NRG1: variants seen among roughly 807,000 people sequenced by gnomAD.
NRG1 encodes the protein neuregulin 1, also known as pro-neuregulin-1, membrane-bound isoform.
NRG1 carries 18 observed loss-of-function variants against 63.8 expected under a neutral mutation model. That is an observed-to-expected ratio of 0.28 (90% CI 0.19 to 0.42). NRG1 has a LOEUF of 0.42. Among genes scored for constraint, NRG1 ranks in the 10% least tolerant of loss-of-function variants. NRG1 has a pLI of 1.00. For synonymous variants in NRG1, 302 were observed against 301.3 expected (o/e 1.00, Z -0.02); for missense variants, 762 against 814.7 (o/e 0.94, Z 0.79).
chr8:32,010,974 T>C (rs1814659900), intron 1 of NRG1, among the ~76,000 whole-genome samples: 1 of 152,084 alleles, frequency 6.6e-6, no homozygotes, highest in South Asian at 2.1e-4. Context: ...TTAGATTTTT[T>C]AGGTGTTTGC....
chr8:31,813,510 T>TCTTTC (rs1823092767), intron 1 of NRG1, among the ~76,000 whole-genome samples: 1 of 64,050 alleles, frequency 1.6e-5, no homozygotes, highest in Admixed American at 1.7e-4. Context: ...TCTTTTCTTT[T>TCTTTC]CTTTTCTTTT....
At chr8:31,779,460 A>G (rs369062169) in intron 1 of NRG1, among the ~76,000 whole-genome samples, 15 of 84,980 alleles carry the variant, frequency 1.8e-4, no homozygotes, top group South Asian at 5.7e-4. Flanking sequence ...CCCAGAAGGG[A>G]AAAAAAAAAA....
chr8:32,741,962 G>A, intron 6 of NRG1, 46 bp from the exon 7 acceptor site: 1 of 1,488,544 alleles, frequency 6.7e-7, no homozygotes, highest in Non-Finnish European at 9.4e-7. Flanking sequence ...TGAAAGCTCA[G>A]TGTCTTTAGC....
At chr8:32,760,596 C>G in intron 11 of NRG1, 190 bp downstream of exon 11, 1 of 1,394,740 alleles carries the variant, frequency 7.2e-7, no homozygotes, top group Non-Finnish European at 9.3e-7. Flanking sequence ...GAGCTTCTCT[C>G]GTCGTCCCAG....
chr8:31,805,537 A>G (rs1407247354), intron 1 of NRG1, among the ~76,000 whole-genome samples: 1 of 152,134 alleles, frequency 6.6e-6, no homozygotes, highest in Non-Finnish European at 1.5e-5. Flanking sequence ...TTTAAAATGA[A>G]GTGAATACCG....
chr8:32,482,050 C>T (rs934637596), intron 1 of NRG1, among the ~76,000 whole-genome samples: 3 of 152,098 alleles, frequency 2.0e-5, no homozygotes, highest in African/African-American at 4.8e-5. Flanking sequence ...TCTTTCAAAA[C>T]AAACAAATGA....
At chr8:32,382,133 T>G (rs979237538) in intron 1 of NRG1, among the ~76,000 whole-genome samples, 1 of 152,192 alleles carries the variant, frequency 6.6e-6, no homozygotes, top group Non-Finnish European at 1.5e-5. Context: ...TACTGCAGTC[T>G]TATGAAGTGA....
At chr8:32,109,006 G>A (rs1831648305) in intron 1 of NRG1, among the ~76,000 whole-genome samples, 1 of 152,162 alleles carries the variant, frequency 6.6e-6, no homozygotes, top group African/African-American at 2.4e-5. Context: ...TAACCACACA[G>A]TCACGGAACA....
intron 1 of NRG1, among the ~76,000 whole-genome samples, chr8:32,577,567 C>A (rs1839887845): frequency 6.6e-6 from 1 of 152,112 alleles, no homozygotes; most frequent in Non-Finnish European, 1.5e-5. Flanking sequence ...GAAGAGAATT[C>A]AAAACTTACG....
intron 1 of NRG1, among the ~76,000 whole-genome samples, chr8:31,695,271 G>A (rs1173332652): frequency 6.6e-6 from 1 of 152,204 alleles, no homozygotes; most frequent in African/African-American, 2.4e-5. Flanking sequence ...TCAGGTTCAA[G>A]TGATTCTTAT....
At chr8:31,712,978 C>A (rs1811942517) in intron 1 of NRG1, among the ~76,000 whole-genome samples, 1 of 75,838 alleles carries the variant, frequency 1.3e-5, no homozygotes, top group Non-Finnish European at 3.2e-5. Context: ...TCTGTCCATC[C>A]ATCCACCCAT....
At chr8:32,224,702 G>T (rs1056362209) in intron 1 of NRG1, among the ~76,000 whole-genome samples, 2 of 152,150 alleles carry the variant, frequency 1.3e-5, no homozygotes, top group Non-Finnish European at 2.9e-5. Flanking sequence ...ATGAGAATTT[G>T]AACTAATTTT....
At chr8:31,668,341 G>T (rs1045213825) in intron 1 of NRG1, among the ~76,000 whole-genome samples, 6 of 152,150 alleles carry the variant, frequency 3.9e-5, no homozygotes, top group Non-Finnish European at 8.8e-5. Context: ...GCTTTTTGTG[G>T]AGGAATGCCC....
At chr8:32,470,183 C>CTTTT (rs33936895) in intron 1 of NRG1, among the ~76,000 whole-genome samples, 6 of 124,686 alleles carry the variant, frequency 4.8e-5, no homozygotes, top group African/African-American at 1.5e-4. Flanking sequence ...GAAAAGGACT[C>CTTTT]TTTTTTTTTT....
At chr8:31,663,842 G>A (rs1028957910) in intron 1 of NRG1, among the ~76,000 whole-genome samples, 1 of 152,104 alleles carries the variant, frequency 6.6e-6, no homozygotes, top group Non-Finnish European at 1.5e-5. Flanking sequence ...TACATCAGGG[G>A]AGGAGGGTGC....
At chr8:32,432,738 C>G (rs1818300920) in intron 1 of NRG1, among the ~76,000 whole-genome samples, 1 of 152,026 alleles carries the variant, frequency 6.6e-6, no homozygotes. Flanking sequence ...AAGCAATCCT[C>G]CTGCCTCCCA....
chr8:32,049,933 C>G (rs528261071), intron 1 of NRG1, among the ~76,000 whole-genome samples: 1 of 152,012 alleles, frequency 6.6e-6, no homozygotes, highest in African/African-American at 2.4e-5. Flanking sequence ...CCAAAGCTTA[C>G]CCACCCTAAT....
At chr8:32,761,686 T>A (rs980964985) in intron 11 of NRG1, among the ~76,000 whole-genome samples, 3 of 151,878 alleles carry the variant, frequency 2.0e-5, no homozygotes, top group Non-Finnish European at 2.9e-5. Context: ...GTGTGGTAGT[T>A]CCATGGGTAG....
intron 1 of NRG1, among the ~76,000 whole-genome samples, chr8:32,289,562 T>C (rs1853949388): frequency 6.6e-6 from 1 of 152,266 alleles, no homozygotes; most frequent in Non-Finnish European, 1.5e-5. Flanking sequence ...CTTAACCTAT[T>C]TGTAAGTCAA....
Sources: gnomAD v4.1 joint callset for allele counts (sites outside exome capture counted in the v4.1 genomes callset) on GRCh38, gnomAD v4.1.1 for gene constraint, MANE v1.5 for transcripts, NCBI Gene and HGNC (gene_info 2026-07-23, HGNC 2026-07-21) for gene names.